Variants in SLC25A26 observed in about 807,000 individuals in gnomAD.
SLC25A26 encodes mitochondrial S-adenosylmethionine carrier protein.
SLC25A26 carries 36 observed loss-of-function variants against 37.8 expected under a neutral mutation model. The ratio of observed to expected loss-of-function variants is 0.95; its 90% CI spans 0.73 to 1.26. The LOEUF (loss-of-function observed/expected upper bound fraction) is 1.26. Among genes scored for constraint, SLC25A26 ranks in the 50% most tolerant of loss-of-function variants. The pLI, the probability that SLC25A26 is intolerant of heterozygous loss-of-function variation, is 0.00. For missense variants in SLC25A26, 390 were observed against 331.1 expected (o/e 1.18, Z -1.38); for synonymous variants, 129 against 122.5 (o/e 1.05, Z -0.35).
At chr3:66,223,874 G>C (rs1326525198) in intron 1 of SLC25A26, among the ~76,000 whole-genome samples, 2 of 152,140 alleles carry the variant, frequency 1.3e-5, no homozygotes, top group Admixed American at 1.3e-4. Flanking sequence ...ATACTTTTAG[G>C]AAAGCAACTG....
intron 6 of SLC25A26, among the ~76,000 whole-genome samples, chr3:66,350,066 G>A (rs898026070): frequency 1.3e-5 from 2 of 152,072 alleles, no homozygotes; most frequent in African/African-American, 2.4e-5. Context: ...TTATTTTTGT[G>A]TTTACAATTT....
At chr3:66,193,528 C>T (rs985474443) in intron 1 of SLC25A26, among the ~76,000 whole-genome samples, 1 of 152,062 alleles carries the variant, frequency 6.6e-6, no homozygotes, top group East Asian at 1.9e-4. Context: ...TAACTAACAT[C>T]ATTGTCCTTA....
intron 3 of SLC25A26, among the ~76,000 whole-genome samples, chr3:66,255,814 G>C (rs969715647): frequency 6.6e-6 from 1 of 152,182 alleles, no homozygotes; most frequent in African/African-American, 2.4e-5. Flanking sequence ...AGGCTCCGGA[G>C]GTACTGGAGG....
At chr3:66,350,735 C>A (rs1295969202) in intron 6 of SLC25A26, among the ~76,000 whole-genome samples, 1 of 152,092 alleles carries the variant, frequency 6.6e-6, no homozygotes, top group Non-Finnish European at 1.5e-5. Flanking sequence ...TGCGCGCACA[C>A]CCACACGCAC....
chr3:66,368,654 G>T (rs1332226700), intron 7 of SLC25A26, among the ~76,000 whole-genome samples: 1 of 152,198 alleles, frequency 6.6e-6, no homozygotes, highest in Non-Finnish European at 1.5e-5. Context: ...AATGTCACAT[G>T]TGAGTCTGTT....
intron 1 of SLC25A26, among the ~76,000 whole-genome samples, chr3:66,180,000 G>A (rs576599129): frequency 3.7e-4 from 56 of 151,174 alleles, no homozygotes; most frequent in African/African-American, 1.2e-3. Context: ...AATTTATCAT[G>A]TGCCGCCAGG....
At position 66,243,232 on chromosome 3, in the gene SLC25A26, G is replaced by A; in HGVS notation, c.220G>A (p.Val74Met). 1 of 1,608,230 alleles carries A rather than the reference G, an allele frequency of 6.2e-7. No individual in the cohort carries two copies. Among genetic ancestry groups the A allele is most frequent in the Non-Finnish European group, 8.5e-7 (1 of 1,176,256 alleles). ...AAAFFITYEYVKWFLHADSSS... is the reference protein window; with the variant it reads ...AAAFFITYEYMKWFLHADSSS... Reference sequence around the variant, plus strand: ...TGCATTTTTTATCACCTATGAATATGTGAAGTGGTTTTTGCATGCTGATTC... The same window carrying A: ...TGCATTTTTTATCACCTATGAATATATGAAGTGGTTTTTGCATGCTGATTC... Residue 74 changes from valine to methionine, a missense_variant, in exon 3 of 10, where the codon GTG becomes ATG. Val to Met is a conservative substitution (Grantham distance 21). Coordinates refer to ENST00000354883, the MANE Select transcript of SLC25A26 (RefSeq NM_001379210.1).
intron 3 of SLC25A26, among the ~76,000 whole-genome samples, chr3:66,248,098 A>G (rs2107162056): frequency 6.6e-6 from 1 of 152,362 alleles, no homozygotes; most frequent in African/African-American, 2.4e-5. Flanking sequence ...TGTTGAATAT[A>G]GCCACAGTTA....
At chr3:66,209,546 GTA>G (rs1370900031) in intron 1 of SLC25A26, among the ~76,000 whole-genome samples, 9 of 136,198 alleles carry the variant, frequency 6.6e-5, no homozygotes, top group Non-Finnish European at 9.3e-5. Flanking sequence ...AATATAGAAG[GTA>G]TATATATATA....
chr3:66,284,054 A>G (rs1260530756), intron 5 of SLC25A26, among the ~76,000 whole-genome samples: 1 of 152,218 alleles, frequency 6.6e-6, no homozygotes, highest in African/African-American at 2.4e-5. Context: ...ACACTTAAAT[A>G]TTTCGGGATA....
In SLC25A26 at chr3:66,221,135, C is replaced by T. The variant is rs1553658186; in HGVS notation, c.33+8C>T. 1.5e-6 allele frequency: 2 copies of T among 1,364,632 alleles called. No homozygotes were observed. The highest frequency in any genetic ancestry group is 2.6e-5 in the East Asian group (1 of 38,284). 84.5% of individuals were successfully genotyped at this position (1,364,632 alleles called of 1,614,324 possible). ...TTCGTGGCAGCGCTGGTGGTGAGTGCGGGGCGGTGGGGTGGGTTGCTCAGA... is the reference window on the plus strand; with the variant it reads ...TTCGTGGCAGCGCTGGTGGTGAGTGTGGGGCGGTGGGGTGGGTTGCTCAGA... On this transcript the variant is annotated splice_region_variant and intron_variant, in intron 1 of 9. Transcript: ENST00000354883.
At chr3:66,352,066 T>A (rs928685537) in intron 6 of SLC25A26, among the ~76,000 whole-genome samples, 1 of 151,852 alleles carries the variant, frequency 6.6e-6, no homozygotes, top group Non-Finnish European at 1.5e-5. Context: ...CTGGGCAACA[T>A]AGACTCCATC....
intron 5 of SLC25A26, among the ~76,000 whole-genome samples, chr3:66,267,652 C>G (rs980731652): frequency 1.3e-5 from 2 of 152,142 alleles, no homozygotes; most frequent in African/African-American, 4.8e-5. Context: ...TCGGTAGATG[C>G]TAGTAAAGAG....
intron 5 of SLC25A26, among the ~76,000 whole-genome samples, chr3:66,271,268 C>A (rs1346408743): frequency 6.6e-6 from 1 of 151,950 alleles, no homozygotes; most frequent in South Asian, 2.1e-4. Flanking sequence ...ATGGTTTCAC[C>A]AAAAAAGTTT....
intron 1 of SLC25A26, among the ~76,000 whole-genome samples, chr3:66,159,434 A>T (rs905024370): frequency 2.6e-5 from 4 of 152,206 alleles, no homozygotes; most frequent in Non-Finnish European, 4.4e-5. Flanking sequence ...CATGTAAATT[A>T]TGTTGAGTTT....
At chr3:66,349,146 A>G (rs1032699561) in intron 6 of SLC25A26, among the ~76,000 whole-genome samples, 1 of 152,268 alleles carries the variant, frequency 6.6e-6, no homozygotes, top group Non-Finnish European at 1.5e-5. Flanking sequence ...AGAAATGTCC[A>G]GAATTTTTCA....
intron 6 of SLC25A26, chr3:66,356,093 T>G (rs1477210805): frequency 6.6e-6 from 3 of 456,186 alleles, no homozygotes; most frequent in Non-Finnish European, 1.3e-5. Context: ...TTGTAAGTAT[T>G]TGTTCACTGG....
chr3:66,167,472 A>C (rs998173149), intron 1 of SLC25A26, among the ~76,000 whole-genome samples: 17 of 152,384 alleles, frequency 1.1e-4, no homozygotes, highest in African/African-American at 4.1e-4. Flanking sequence ...ACCTGAATGC[A>C]TCACACTTTA....
intron 6 of SLC25A26, among the ~76,000 whole-genome samples, chr3:66,358,376 A>G (rs1167708093): frequency 6.6e-6 from 1 of 152,234 alleles, no homozygotes; most frequent in Non-Finnish European, 1.5e-5. Context: ...ACAATTCCTC[A>G]TTTAGAAAAA....
Sources: allele counts gnomAD v4.1 joint callset (sites outside exome capture counted in the v4.1 genomes callset), GRCh38; gene constraint gnomAD v4.1.1; transcripts MANE v1.5; gene names NCBI Gene and HGNC (gene_info 2026-07-23, HGNC 2026-07-21).